ELP2: variants seen among roughly 807,000 people sequenced by gnomAD.
The protein encoded by ELP2 is elongator complex protein 2.
ELP2 carries 90 observed loss-of-function variants against 119.2 expected under a neutral mutation model. The observed-to-expected ratio is 0.75, with a 90% confidence interval of 0.64 to 0.90. The LOEUF is 0.90. Among genes scored for constraint, ELP2 ranks in the 40% least tolerant of loss-of-function variants. The probability of loss-of-function intolerance (pLI) is 0.00; values close to 1 mark genes in which losing one functional copy is unlikely to be tolerated. For missense variants in ELP2, 921 were observed against 967.8 expected (o/e 0.95, Z 0.64); for synonymous variants, 339 against 331.0 (o/e 1.02, Z -0.26).
intron 20 of ELP2, chr18:36,170,816 G>A (rs1169939666): frequency 1.8e-5 from 10 of 562,488 alleles, no homozygotes; most frequent in Non-Finnish European, 3.2e-5. Context: ...GGAAACACTG[G>A]CTCATGGGCC....
Position 36,158,517 on chromosome 18 carries a change from C to T in ELP2, c.1465-318C>T, listed in dbSNP as rs16967495. 5.3e-3 allele frequency: 1,313 copies of T among 248,310 alleles called. 25 individuals are homozygous for T. Among genetic ancestry groups the T allele is most frequent in the African/African-American group, 0.027 (1,211 of 44,426 alleles). 15.4% of individuals were successfully genotyped at this position (248,310 alleles called of 1,614,324 possible). ...ATTTTCAGCTCACTGCATTTCCTGT[C>T]AGACCCTGAAACCCATTGAAATGTT... On this transcript the variant is annotated intron_variant, in intron 13 of 21. Transcript: ENST00000358232.
At position 36,171,146 on chromosome 18, in the gene ELP2, A is replaced by T; in HGVS notation, c.2310A>T (p.Val770=). 1.2e-6 allele frequency: 2 copies of T among 1,612,590 alleles called. No homozygotes were observed. The highest frequency in any genetic ancestry group is 1.7e-6 in the Non-Finnish European group (2 of 1,178,590). The part of the protein sequence containing the change: ...VPEINDWTHC[V]ETSQSQSHTL... ...AAATAAATGACTGGACCCACTGTGTAGAAACAAGTCAAAGGTATTTCTTTC... is the reference window on the plus strand; with the variant it reads ...AAATAAATGACTGGACCCACTGTGTTGAAACAAGTCAAAGGTATTTCTTTC... Residue 770 remains valine (V), a synonymous_variant, in exon 21 of 22, where the codon GTA becomes GTT. Coordinates refer to ENST00000358232, the MANE Select transcript of ELP2 (RefSeq NM_018255.4).
intron 11 of ELP2, among the ~76,000 whole-genome samples, chr18:36,149,585 T>C (rs756160508): frequency 7.7e-6 from 1 of 130,462 alleles, no homozygotes; most frequent in Non-Finnish European, 1.6e-5. Context: ...GGAGAAAAAA[T>C]AAATTAAAAA....
In ELP2 at chr18:36,176,146, A is replaced by G. The variant is rs1248541504; in HGVS notation, c.*1505A>G. ...TAATCAGTATAAAAACCTGTTACTG[A>G]AATATTTTATAGGGCCCATCTCAGT... On this transcript the variant is annotated 3_prime_UTR_variant, in exon 22 of 22. Coordinates refer to ENST00000358232, the MANE Select transcript of ELP2 (RefSeq NM_018255.4). 6.6e-6 allele frequency: 1 copy of G among 152,190 alleles called. No homozygotes were observed. Among genetic ancestry groups the G allele is most frequent in the Non-Finnish European group, 1.5e-5 (1 of 68,038 alleles). 9.4% of individuals were successfully genotyped at this position (152,190 alleles called of 1,614,324 possible).
rs1293943578 is a variant in ELP2 at position 36,154,922 on chromosome 18, G to A, written c.1198G>A (p.Gly400Arg). The change falls in exon 12 of 22, where the codon GGA (glycine) becomes AGA (arginine). Residue 400 changes from glycine (G) to arginine (R), a missense_variant. Coordinates refer to ENST00000358232, the MANE Select transcript of ELP2 (RefSeq NM_018255.4). ...GVQDLVWDPEGEFIITVGTDQ... is the reference protein window; with the variant it reads ...GVQDLVWDPEREFIITVGTDQ... The stretch of plus-strand genomic sequence containing the variant: ...CCAAGACCTAGTCTGGGATCCAGAA[G>A]GAGAATTTATTATCACTGTTGGTAC... 2 of 1,613,944 alleles carry A rather than the reference G, an allele frequency of 1.2e-6. No homozygotes were observed. The highest frequency in any genetic ancestry group is 1.7e-6 in the Non-Finnish European group (2 of 1,179,936).
Position 36,156,546 on chromosome 18 carries a change from T to A in ELP2, c.1356T>A (p.Phe452Leu). The change falls in exon 13 of 22, where the codon TTT (phenylalanine) becomes TTA (leucine). Residue 452 changes from phenylalanine (F) to leucine (L), a missense_variant. Physicochemically the swap from Phe to Leu is conservative, Grantham distance 22. Coordinates refer to ENST00000358232, the MANE Select transcript of ELP2 (RefSeq NM_018255.4). ...TGGCAATGATTAATCGGTTTCAGTT[T>A]GTATCTGGAGCAGATGAAAAAGTTC... ...KCLAMINRFQ[F>L]VSGADEKVLR... 6.2e-7 allele frequency: 1 copy of A among 1,614,178 alleles called. No individual in the cohort carries two copies. Among genetic ancestry groups the A allele is most frequent in the South Asian group, 1.1e-5 (1 of 91,082 alleles).
chr18:36,136,208 A>G (rs2089818156), intron 2 of ELP2, 99 bp from the exon 3 acceptor site: 3 of 835,752 alleles, frequency 3.6e-6, no homozygotes, highest in Non-Finnish European at 2.0e-6. Flanking sequence ...GAATCTAGGT[A>G]GAGGGTACAG....
chr18:36,159,253 C>T (rs570078266), intron 14 of ELP2, among the ~76,000 whole-genome samples: 1 of 152,200 alleles, frequency 6.6e-6, no homozygotes, highest in Non-Finnish European at 1.5e-5. Flanking sequence ...GCTGGGACTA[C>T]AGGCATGTGC....
At position 36,138,355 on chromosome 18, in the gene ELP2, C is replaced by T; in HGVS notation, c.374C>T (p.Ala125Val). The change falls in exon 4 of 22, where the codon GCA (alanine) becomes GTA (valine). Residue 125 changes from alanine to valine, a missense_variant. Physicochemically the swap from Ala to Val is moderately conservative, Grantham distance 64. Transcript: ENST00000358232. ...AVYQRRTSDP[A>V]LCTLIVSAAA... ...TACCAGAGGAGGACATCAGATCCTG[C>T]ATTATGTACACTGATCGTTTCTGCA... 1 of 1,614,054 alleles carries T rather than the reference C, an allele frequency of 6.2e-7. No homozygotes were observed. Among genetic ancestry groups the T allele is most frequent in the Non-Finnish European group, 8.5e-7 (1 of 1,179,962 alleles).
In ELP2 at chr18:36,170,199, C is replaced by G; in HGVS notation, c.2210+3C>G. 1 of 1,614,138 alleles carries G rather than the reference C, an allele frequency of 6.2e-7. No homozygotes were observed. Among genetic ancestry groups the G allele is most frequent in the Non-Finnish European group, 8.5e-7 (1 of 1,180,026 alleles). On this transcript the variant is annotated splice_donor_region_variant and intron_variant, in intron 20 of 21. Coordinates refer to ENST00000358232, the MANE Select transcript of ELP2 (RefSeq NM_018255.4). The stretch of plus-strand genomic sequence containing the variant: ...CCAGTGCTCCACCCTTCTCAACGGT[C>G]AGTCTCTGTGTGGGGCTTAGTTTTA...
chr18:36,146,063 T>A lies in ELP2; in HGVS notation c.993+15T>A. The A allele has an allele frequency of 6.2e-7, 1 of 1,610,558 alleles. No individual in the cohort carries two copies. Among genetic ancestry groups the A allele is most frequent in the Non-Finnish European group, 8.5e-7 (1 of 1,176,790 alleles). ...GGCTAGAACAGGTAAAAATGTTGGA[T>A]ATTTAAGGAACAGAAAATTAAGTTT... is the stretch of plus-strand genomic sequence containing the variant. On this transcript the variant is annotated intron_variant, in intron 10 of 21. Transcript: ENST00000358232.
In ELP2 at chr18:36,175,242, C is replaced by T. The variant is rs2091198100; in HGVS notation, c.*601C>T. On this transcript the variant is annotated 3_prime_UTR_variant, in exon 22 of 22. Coordinates refer to ENST00000358232, the MANE Select transcript of ELP2 (RefSeq NM_018255.4). ...TGTGTTATTTTGGGACTTAATTTGTCCCTCTTTGGGACATTTCCTTATTTA... is the reference window on the plus strand; with the variant it reads ...TGTGTTATTTTGGGACTTAATTTGTTCCTCTTTGGGACATTTCCTTATTTA... 1.3e-5 allele frequency: 2 copies of T among 152,416 alleles called. No individual in the cohort carries two copies. Among genetic ancestry groups the T allele is most frequent in the Non-Finnish European group, 2.9e-5 (2 of 68,242 alleles). The allele number at this position is 152,416 out of a possible 1,614,324, so 9.4% of individuals were successfully genotyped here. A position where few individuals can be genotyped will look rare whatever the true frequency, so the allele number is the denominator to read the frequency against.
chr18:36,147,220 C>T (rs535018276), intron 11 of ELP2, among the ~76,000 whole-genome samples: 3 of 151,630 alleles, frequency 2.0e-5, no homozygotes, highest in Non-Finnish European at 4.4e-5. Context: ...ACTACAGGTG[C>T]ACCTCACCAC....
chr18:36,144,997 G>A lies in ELP2; in HGVS notation c.855G>A (p.Trp285Ter), dbSNP rs866500633. 4 of 1,613,916 alleles carry A rather than the reference G, an allele frequency of 2.5e-6. No individual in the cohort carries two copies. The highest frequency in any genetic ancestry group is 3.4e-6 in the Non-Finnish European group (4 of 1,179,866). ...LETVLAGHENWVNAVHWQPVF... is the reference protein window; with the variant it reads ...LETVLAGHEN Reference sequence around the variant, plus strand: ...CAGTGCTAGCCGGTCATGAAAACTGGGTAAATGCAGTTCACTGGCAACCTG... The same window carrying A: ...CAGTGCTAGCCGGTCATGAAAACTGAGTAAATGCAGTTCACTGGCAACCTG... The change falls in exon 9 of 22, where the codon TGG becomes TGA. Residue 285 changes from tryptophan (W) to a stop codon, truncating the protein, a stop_gained. Transcript: ENST00000358232. LOFTEE classifies it high-confidence loss of function.
intron 18 of ELP2, among the ~76,000 whole-genome samples, chr18:36,166,238 T>C (rs2090891415): frequency 6.6e-6 from 1 of 151,934 alleles, no homozygotes; most frequent in African/African-American, 2.4e-5. Flanking sequence ...TAATTTGTTA[T>C]ATCTTTATGG....
At chr18:36,145,226 A>G in intron 9 of ELP2, 192 bp downstream of exon 9, 1 of 568,864 alleles carries the variant, frequency 1.8e-6, no homozygotes, top group Non-Finnish European at 3.2e-6. Flanking sequence ...TGAACTCCTA[A>G]GTGGGAAAAG....
intron 16 of ELP2, 23 bp downstream of exon 16, chr18:36,160,038 C>A: frequency 4.3e-6 from 7 of 1,611,624 alleles, no homozygotes; most frequent in Non-Finnish European, 5.9e-6. Context: ...GTATTTAGCT[C>A]TTTGGTCTGA....
chr18:36,143,369 G>T (rs570931545), intron 8 of ELP2, among the ~76,000 whole-genome samples: 2 of 149,912 alleles, frequency 1.3e-5, no homozygotes, highest in East Asian at 2.0e-4. Flanking sequence ...TGATCTGCCC[G>T]CCTCGGCCTC....
At chr18:36,156,804 G>C (rs1468033244) in intron 13 of ELP2, 150 bp downstream of exon 13, 1 of 765,952 alleles carries the variant, frequency 1.3e-6, no homozygotes, top group Non-Finnish European at 2.1e-6. Context: ...TTTGTGCACT[G>C]TGGGGTGTAA....
Sources: allele counts gnomAD v4.1 joint callset (sites outside exome capture counted in the v4.1 genomes callset), GRCh38; gene constraint gnomAD v4.1.1; transcripts MANE v1.5; gene names NCBI Gene and HGNC (gene_info 2026-07-23, HGNC 2026-07-21).